ARHGAP8: variants seen among roughly 807,000 people sequenced by gnomAD.
The protein encoded by ARHGAP8 is rho GTPase-activating protein 8.
Under a neutral mutation model 46.1 loss-of-function variants are expected in ARHGAP8, and 62 were observed. That is an observed-to-expected ratio of 1.34 (90% CI 1.10 to 1.66). ARHGAP8 has a LOEUF of 1.66. ARHGAP8 is among the 40% of genes most tolerant of loss of function. ARHGAP8 has a pLI of 0.00. For missense variants in ARHGAP8, 923 were observed against 568.4 expected (o/e 1.62, Z -6.34); for synonymous variants, 375 against 243.1 (o/e 1.54, Z -5.05).
At chr22:44,859,198 A>C (rs991275027) in intron 10 of ARHGAP8, among the ~76,000 whole-genome samples, 2 of 152,132 alleles carry the variant, frequency 1.3e-5, no homozygotes, top group Non-Finnish European at 2.9e-5. Flanking sequence ...TAGGGCTTGG[A>C]TCTGAGTCCC....
At chr22:44,830,368 A>G (rs542539439) in intron 7 of ARHGAP8, among the ~76,000 whole-genome samples, 314 of 147,216 alleles carry the variant, frequency 2.1e-3, no homozygotes, top group South Asian at 4.4e-3. Context: ...ATCTCGCTCC[A>G]TCACCTAGGC....
chr22:44,843,824 C>CA (rs56308320), intron 7 of ARHGAP8, among the ~76,000 whole-genome samples: 25,271 of 92,690 alleles, frequency 0.27, 3,328 homozygotes, highest in African/African-American at 0.38. Flanking sequence ...GACCTTGTCT[C>CA]AAAAAAAAAA....
intron 2 of ARHGAP8, among the ~76,000 whole-genome samples, chr22:44,794,968 G>T (rs1927968858): frequency 6.7e-6 from 1 of 150,324 alleles, no homozygotes; most frequent in South Asian, 2.1e-4. Flanking sequence ...TTGAGCCCAG[G>T]AGGTCAAGGC....
intron 2 of ARHGAP8, among the ~76,000 whole-genome samples, chr22:44,795,725 A>G (rs1196636609): frequency 6.6e-6 from 1 of 152,088 alleles, no homozygotes; most frequent in Non-Finnish European, 1.5e-5. Flanking sequence ...GCGGTGGCCC[A>G]TTGTGGCCCA....
intron 1 of ARHGAP8, among the ~76,000 whole-genome samples, chr22:44,768,720 C>T (rs1346463252): frequency 4.6e-5 from 7 of 152,170 alleles, no homozygotes; most frequent in Non-Finnish European, 1.0e-4. Flanking sequence ...TTCCTTACAG[C>T]CCTGTGTCCT....
intron 10 of ARHGAP8, among the ~76,000 whole-genome samples, chr22:44,856,405 C>G (rs62232221): frequency 0.061 from 9,240 of 151,778 alleles, 388 homozygotes; most frequent in Non-Finnish European, 0.095. Context: ...TCCCAAGTAT[C>G]TGGGATTACA....
At chr22:44,758,687 G>A (rs1432926867) in intron 1 of ARHGAP8, among the ~76,000 whole-genome samples, 1 of 152,140 alleles carries the variant, frequency 6.6e-6, no homozygotes, top group Admixed American at 6.5e-5. Flanking sequence ...AGGGGCAGCC[G>A]GGAGGCCGGT....
intron 1 of ARHGAP8, among the ~76,000 whole-genome samples, chr22:44,770,648 G>T (rs138783545): frequency 2.6e-5 from 4 of 151,962 alleles, no homozygotes; most frequent in Non-Finnish European, 5.9e-5. Flanking sequence ...TCAGGTGATC[G>T]ACCCACTTTG....
intron 1 of ARHGAP8, chr22:44,786,190 T>TCG: frequency 1.8e-6 from 1 of 552,588 alleles, no homozygotes; most frequent in Non-Finnish European, 3.2e-6. Flanking sequence ...TCGGCTGAGG[T>TCG]AGGGCGTATA....
chr22:44,823,584 G>C (rs1365242488), intron 6 of ARHGAP8, among the ~76,000 whole-genome samples: 1 of 152,036 alleles, frequency 6.6e-6, no homozygotes, highest in Non-Finnish European at 1.5e-5. Context: ...GAGGATGATG[G>C]GAATCCCTGG....
At chr22:44,845,477 C>T in intron 8 of ARHGAP8, 135 bp downstream of exon 8, 1 of 1,217,356 alleles carries the variant, frequency 8.2e-7, no homozygotes. Flanking sequence ...CACAGTGGCT[C>T]CAGGTCTGGG....
Position 44,845,322 on chromosome 22 carries a change from TGACGTACCTGAGA to T in ARHGAP8, c.653_665del (p.Thr218ArgfsTer32). 6.2e-7 allele frequency: 1 copy of T among 1,614,110 alleles called. No individual in the cohort carries two copies. Among genetic ancestry groups the T allele is most frequent in the Non-Finnish European group, 8.5e-7 (1 of 1,180,008 alleles). On this transcript the variant is annotated frameshift_variant, in exon 8 of 12. Transcript: ENST00000356099. LOFTEE classifies it high-confidence loss of function. Reference sequence around the variant, plus strand: ...ATCCCCCCTGTGCTGAGGTTCACAGTGACGTACCTGAGAGAGAAAGGTGAGACGGGGCCGGCTC... The same window carrying T: ...ATCCCCCCTGTGCTGAGGTTCACAGTGAGAAAGGTGAGACGGGGCCGGCTC...
At chr22:44,765,469 G>A (rs1033217103) in intron 1 of ARHGAP8, 2 of 152,452 alleles carry the variant, frequency 1.3e-5, no homozygotes, top group Non-Finnish European at 2.9e-5. Context: ...GGGTGTAATC[G>A]GGACCCTAGG....
intron 7 of ARHGAP8, among the ~76,000 whole-genome samples, chr22:44,833,096 CTTTTTTTTT>C (rs533794156): frequency 7.5e-5 from 9 of 120,432 alleles, no homozygotes; most frequent in Non-Finnish European, 1.6e-4. Flanking sequence ...CTTTTCTTTT[CTTTTTTTTT>C]TTTTTTTTTG....
intron 7 of ARHGAP8, among the ~76,000 whole-genome samples, chr22:44,830,303 C>T (rs540729913): frequency 6.6e-6 from 1 of 151,894 alleles, no homozygotes; most frequent in East Asian, 1.9e-4. Context: ...TGATTACAGG[C>T]GTGAGCCACT....
At chr22:44,781,230 GA>G (rs112074785) in intron 1 of ARHGAP8, among the ~76,000 whole-genome samples, 11,209 of 152,206 alleles carry the variant, frequency 0.074, 861 homozygotes, top group African/African-American at 0.2. Context: ...AGTCTTCGTG[GA>G]ATTTTACATA....
At chr22:44,851,861 G>A (rs759359864) in intron 10 of ARHGAP8, among the ~76,000 whole-genome samples, 1 of 151,796 alleles carries the variant, frequency 6.6e-6, no homozygotes, top group Admixed American at 6.6e-5. Context: ...AATGATGGAG[G>A]GAGGGAGGGA....
At chr22:44,845,182 G>T in intron 7 of ARHGAP8, 87 bp from the exon 8 acceptor site, 1 of 1,526,114 alleles carries the variant, frequency 6.6e-7, no homozygotes, top group Admixed American at 1.8e-5. Context: ...GTTTTCACAG[G>T]GGTGTGGAGA....
intron 5 of ARHGAP8, among the ~76,000 whole-genome samples, chr22:44,816,488 G>A (rs1034995998): frequency 3.9e-5 from 6 of 152,116 alleles, no homozygotes; most frequent in Admixed American, 6.5e-5. Flanking sequence ...TCAGAGGAAT[G>A]TTGGCAAGCA....
Sources: allele counts gnomAD v4.1 joint callset (sites outside exome capture counted in the v4.1 genomes callset), GRCh38; gene constraint gnomAD v4.1.1; transcripts MANE v1.5; gene names NCBI Gene and HGNC (gene_info 2026-07-23, HGNC 2026-07-21).